The following SPOCK1 variants were observed in gnomAD, a reference collection of about 807,000 sequenced individuals.
SPOCK1 encodes testican-1.
SPOCK1 carries 23 observed loss-of-function variants against 55.3 expected under a neutral mutation model. That is an observed-to-expected ratio of 0.42 (90% CI 0.30 to 0.59). SPOCK1 has a LOEUF of 0.59. SPOCK1 is among the 20% of genes least tolerant of loss of function. The probability of loss-of-function intolerance (pLI) is 0.22; values close to 1 mark genes in which losing one functional copy is unlikely to be tolerated. For missense variants in SPOCK1, 499 were observed against 552.5 expected, an observed-to-expected ratio of 0.90 and a Z score of 0.97; for synonymous variants, 226 against 221.0, an observed-to-expected ratio of 1.02 and a Z score of -0.20.
At chr5:137,068,278 T>A (rs1752547928) in intron 5 of SPOCK1, among the ~76,000 whole-genome samples, 1 of 152,080 alleles carries the variant, frequency 6.6e-6, no homozygotes, top group Non-Finnish European at 1.5e-5. Flanking sequence ...AGAGTAACAA[T>A]CCCTTTAGTA....
At chr5:137,357,630 A>T (rs1750846618) in intron 2 of SPOCK1, among the ~76,000 whole-genome samples, 1 of 152,174 alleles carries the variant, frequency 6.6e-6, no homozygotes, top group Non-Finnish European at 1.5e-5. Context: ...GGGAACGGCA[A>T]GCAGGTGAGT....
At chr5:137,059,116 A>G (rs186776094) in intron 6 of SPOCK1, among the ~76,000 whole-genome samples, 2 of 90,932 alleles carry the variant, frequency 2.2e-5, no homozygotes, top group Non-Finnish European at 5.2e-5. Context: ...AAGCTATTAT[A>G]ATACAAGACA....
At chr5:137,387,192 G>A (rs1297576085) in intron 2 of SPOCK1, among the ~76,000 whole-genome samples, 1 of 152,212 alleles carries the variant, frequency 6.6e-6, no homozygotes, top group African/African-American at 2.4e-5. Context: ...TGCATTGCTG[G>A]TGGAACTGCA....
chr5:137,320,571 A>C (rs1400376794), intron 2 of SPOCK1, among the ~76,000 whole-genome samples: 1 of 152,280 alleles, frequency 6.6e-6, no homozygotes, highest in African/African-American at 2.4e-5. Context: ...AACAGAAAAG[A>C]GCTCAATGCC....
chr5:137,456,392 C>T (rs942951171), intron 2 of SPOCK1, among the ~76,000 whole-genome samples: 3 of 152,118 alleles, frequency 2.0e-5, no homozygotes, highest in Admixed American at 6.5e-5. Context: ...CTTATAAATA[C>T]AATGATTTCT....
chr5:137,260,122 T>TAA (rs1756719269), intron 3 of SPOCK1, among the ~76,000 whole-genome samples: 1 of 152,190 alleles, frequency 6.6e-6, no homozygotes, highest in Non-Finnish European at 1.5e-5. Flanking sequence ...ATGGGTGAAC[T>TAA]AAAGTCCAGA....
chr5:137,290,976 A>G (rs1757359561), intron 2 of SPOCK1, among the ~76,000 whole-genome samples: 1 of 152,168 alleles, frequency 6.6e-6, no homozygotes, highest in African/African-American at 2.4e-5. Context: ...TGTAATCCTC[A>G]TTACTCTCTC....
At chr5:137,359,624 G>T (rs1368621619) in intron 2 of SPOCK1, among the ~76,000 whole-genome samples, 1 of 152,298 alleles carries the variant, frequency 6.6e-6, no homozygotes, top group East Asian at 1.9e-4. Flanking sequence ...GTTAGTTTCT[G>T]CCTTGCTTGC....
intron 6 of SPOCK1, among the ~76,000 whole-genome samples, chr5:137,003,414 A>T (rs1167110953): frequency 2.6e-5 from 4 of 152,194 alleles, no homozygotes; most frequent in Non-Finnish European, 1.5e-5. Context: ...TAAATAAATC[A>T]TAAGTTGTAT....
intron 2 of SPOCK1, among the ~76,000 whole-genome samples, chr5:137,460,897 T>A (rs1325170991): frequency 6.6e-6 from 1 of 152,142 alleles, no homozygotes; most frequent in Non-Finnish European, 1.5e-5. Context: ...TCTTCCCAGA[T>A]CTTAAACCAG....
intron 2 of SPOCK1, among the ~76,000 whole-genome samples, chr5:137,442,721 C>T (rs528357881): frequency 6.6e-6 from 1 of 152,352 alleles, no homozygotes; most frequent in South Asian, 2.1e-4. Context: ...AACAGGGAGG[C>T]ATGTGCCAAC....
intron 2 of SPOCK1, among the ~76,000 whole-genome samples, chr5:137,401,230 G>A (rs1447576622): frequency 6.6e-6 from 1 of 152,198 alleles, no homozygotes; most frequent in East Asian, 1.9e-4. Flanking sequence ...TAGTGCTTAA[G>A]GAGTTTATCT....
chr5:137,163,593 T>A (rs1327749581), intron 3 of SPOCK1, among the ~76,000 whole-genome samples: 2 of 152,246 alleles, frequency 1.3e-5, no homozygotes, highest in African/African-American at 4.8e-5. Flanking sequence ...ATCCTCATAA[T>A]AATCTTTTGA....
At chr5:137,264,493 T>G (rs1026032928) in intron 3 of SPOCK1, among the ~76,000 whole-genome samples, 1 of 151,978 alleles carries the variant, frequency 6.6e-6, no homozygotes, top group African/African-American at 2.4e-5. Flanking sequence ...CACACCCACC[T>G]CCATCATGAA....
At chr5:137,298,137 G>A (rs555335920) in intron 2 of SPOCK1, among the ~76,000 whole-genome samples, 1 of 152,232 alleles carries the variant, frequency 6.6e-6, no homozygotes, top group East Asian at 1.9e-4. Context: ...TTACGTTTAA[G>A]GTACTTTTAA....
At chr5:137,378,872 G>A (rs968576710) in intron 2 of SPOCK1, among the ~76,000 whole-genome samples, 3 of 152,142 alleles carry the variant, frequency 2.0e-5, no homozygotes, top group Non-Finnish European at 4.4e-5. Context: ...GCATCAGAGG[G>A]GTAAAAAGGC....
chr5:137,377,924 C>A (rs1751357235), intron 2 of SPOCK1, among the ~76,000 whole-genome samples: 2 of 145,034 alleles, frequency 1.4e-5, no homozygotes, highest in South Asian at 2.2e-4. Flanking sequence ...GGCAGAAATG[C>A]AATACAATCA....
chr5:136,987,257 C>G (rs1750861646), intron 8 of SPOCK1, among the ~76,000 whole-genome samples: 1 of 151,998 alleles, frequency 6.6e-6, no homozygotes, highest in East Asian at 1.9e-4. Context: ...TTCTCCCTAA[C>G]AAAAATGCAT....
chr5:137,401,558 CAAAAAAA>C (rs34044799), intron 2 of SPOCK1, among the ~76,000 whole-genome samples: 43 of 100,442 alleles, frequency 4.3e-4, no homozygotes, highest in African/African-American at 1.6e-3. Flanking sequence ...CTCATCTCTA[CAAAAAAA>C]AAAAAAAAAA....
Sources: allele counts gnomAD v4.1 joint callset (sites outside exome capture counted in the v4.1 genomes callset), GRCh38; gene constraint gnomAD v4.1.1; transcripts MANE v1.5; gene names NCBI Gene and HGNC (gene_info 2026-07-23, HGNC 2026-07-21).